AGT: variants seen among roughly 807,000 people sequenced by gnomAD.
AGT encodes the protein angiotensinogen.
AGT carries 26 observed loss-of-function variants against 28.1 expected under a neutral mutation model. The ratio of observed to expected loss-of-function variants is 0.92; its 90% CI spans 0.68 to 1.28. The LOEUF (loss-of-function observed/expected upper bound fraction) is 1.28. Ranked by LOEUF, AGT falls within the 50% of genes most tolerant of loss-of-function variation. The pLI, the probability that AGT is intolerant of heterozygous loss-of-function variation, is 0.00. For synonymous variants in AGT, 259 were observed against 259.6 expected, an observed-to-expected ratio of 1.00 and a Z score of 0.02; for missense variants, 596 against 592.3, an observed-to-expected ratio of 1.01 and a Z score of -0.06.
upstream of AGT, among the ~76,000 whole-genome samples, chr1:230,716,151 G>A (rs960315841): frequency 4.6e-5 from 7 of 152,206 alleles, no homozygotes; most frequent in African/African-American, 1.7e-4. Context: ...CTGACTATCA[G>A]CTGGGGGATC....
At chr1:230,732,761 T>A (rs1363326554) in intron 1 of AGT, among the ~76,000 whole-genome samples, 2 of 152,206 alleles carry the variant, frequency 1.3e-5, no homozygotes, top group African/African-American at 4.8e-5. Context: ...TTCATTCTTA[T>A]CATCTTCAGG....
chr1:230,736,947 G>C (rs1664167135), intron 1 of AGT, among the ~76,000 whole-genome samples: 1 of 152,142 alleles, frequency 6.6e-6, no homozygotes, highest in African/African-American at 2.4e-5. Context: ...CGAAAGCTCT[G>C]TTCTCCTTGG....
At chr1:230,706,229 A>T in intron 2 of AGT, 29 bp from the exon 3 acceptor site, 3 of 1,610,218 alleles carry the variant, frequency 1.9e-6, no homozygotes, top group Non-Finnish European at 2.5e-6. Flanking sequence ...ACAGGGAGGG[A>T]AGAGTCACCC....
At chr1:230,708,629 G>T (rs567561124) in intron 2 of AGT, among the ~76,000 whole-genome samples, 4 of 151,996 alleles carry the variant, frequency 2.6e-5, no homozygotes, top group Non-Finnish European at 5.9e-5. Context: ...TTCACCTCCC[G>T]CCTGGCTCTC....
chr1:230,710,707 C>G lies in AGT; in HGVS notation c.117G>C (p.Glu39Asp). ...CCTTTGCCAGCTGCTCACAGGTACT[C>G]TCATTGTGGATGACGAGGTGGAAGG... ...IHPFHLVIHN[E>D]STCEQLAKAN... The change falls in exon 2 of 5, where the codon GAG (glutamate) becomes GAC (aspartate). Residue 39 changes from glutamate to aspartate, a missense_variant. Coordinates refer to ENST00000366667, the MANE Select transcript of AGT (RefSeq NM_001384479.1). 6.2e-7 allele frequency: 1 copy of G among 1,614,170 alleles called. No individual in the cohort carries two copies. Among genetic ancestry groups the G allele is most frequent in the Non-Finnish European group, 8.5e-7 (1 of 1,180,004 alleles).
intron 1 of AGT, among the ~76,000 whole-genome samples, chr1:230,741,295 A>G (rs1011944652): frequency 4.6e-5 from 7 of 152,204 alleles, no homozygotes; most frequent in African/African-American, 1.7e-4. Context: ...ATATTCCACA[A>G]TCAAGCCAGA....
intron 1 of AGT, among the ~76,000 whole-genome samples, chr1:230,712,408 A>G (rs1571978375): frequency 6.6e-6 from 1 of 151,106 alleles, no homozygotes; most frequent in South Asian, 2.1e-4. Flanking sequence ...ATCTCACCCC[A>G]CTCCCCATGC....
At chr1:230,744,925 GC>G (rs1469895081) in intron 1 of AGT, among the ~76,000 whole-genome samples, 1 of 152,174 alleles carries the variant, frequency 6.6e-6, no homozygotes, top group Non-Finnish European at 1.5e-5. Context: ...TCATTTCCCT[GC>G]CGAGGTGTCA....
At chr1:230,735,296 C>T (rs1664137923) in intron 1 of AGT, among the ~76,000 whole-genome samples, 1 of 152,254 alleles carries the variant, frequency 6.6e-6, no homozygotes, top group Non-Finnish European at 1.5e-5. Flanking sequence ...TCTTCCTTCT[C>T]GCTCCTTCTT....
intron 1 of AGT, among the ~76,000 whole-genome samples, chr1:230,731,918 C>G (rs566808495): frequency 1.6e-4 from 25 of 152,126 alleles, no homozygotes; most frequent in African/African-American, 5.5e-4. Context: ...AAACTCAAAG[C>G]TTCCTAAGGC....
intron 1 of AGT, among the ~76,000 whole-genome samples, chr1:230,729,899 C>T (rs976975278): frequency 1.3e-5 from 2 of 151,980 alleles, no homozygotes; most frequent in Non-Finnish European, 2.9e-5. Context: ...CGGTGGCTCA[C>T]GCCTGTAATC....
rs1422682230 is a variant in AGT, at chr1:230,710,677, A to T, written c.147T>A (p.Asn49Lys). The change falls in exon 2 of 5, where the codon AAT becomes AAA. Residue 49 changes from asparagine to lysine, a missense_variant. Physicochemically the swap from Asn to Lys is moderately conservative, Grantham distance 94. Transcript: ENST00000366667. ...ESTCEQLAKA[N>K]AGKPKDPTFI... The stretch of plus-strand genomic sequence containing the variant: ...AGGTGGGGTCTTTGGGCTTCCCGGC[A>T]TTGGCCTTTGCCAGCTGCTCACAGG... 2 of 1,614,230 alleles carry T rather than the reference A, an allele frequency of 1.2e-6. No homozygotes were observed. Among genetic ancestry groups the T allele is most frequent in the Non-Finnish European group, 1.7e-6 (2 of 1,180,040 alleles).
chr1:230,717,264 A>G (rs1160776460), upstream of AGT, among the ~76,000 whole-genome samples: 1 of 151,820 alleles, frequency 6.6e-6, no homozygotes. Flanking sequence ...TCTTTTCCCT[A>G]CAGGGATGAT....
chr1:230,739,626 G>A (rs189814814), intron 1 of AGT, among the ~76,000 whole-genome samples: 2 of 152,294 alleles, frequency 1.3e-5, no homozygotes, highest in East Asian at 3.9e-4. Context: ...GCCCCCGATA[G>A]GAAAATGAAA....
Position 230,710,532 on chromosome 1 carries a change from C to A in AGT, c.292G>T (p.Gly98Trp). The A allele has an allele frequency of 6.2e-7, 1 of 1,614,240 alleles. No individual in the cohort carries two copies. Among genetic ancestry groups the A allele is most frequent in the Admixed American group, 1.7e-5 (1 of 60,032 alleles). ...AAGCCCAAGAAGTTGGCCAGCATCCCGACCATTGCGGCCCTCAACTTGTCT... is the reference window on the plus strand; with the variant it reads ...AAGCCCAAGAAGTTGGCCAGCATCCAGACCATTGCGGCCCTCAACTTGTCT... ...TEDKLRAAMV[G>W]MLANFLGFRI... The change falls in exon 2 of 5, where the codon GGG becomes TGG. Residue 98 changes from glycine (G) to tryptophan (W), a missense_variant. Transcript: ENST00000366667.
chr1:230,730,915 T>G (rs1033100472), intron 1 of AGT, among the ~76,000 whole-genome samples: 1 of 152,232 alleles, frequency 6.6e-6, no homozygotes, highest in African/African-American at 2.4e-5. Flanking sequence ...GAGCTATGTA[T>G]TCATCCACTG....
chr1:230,733,605 T>C (rs1181310974), intron 1 of AGT, among the ~76,000 whole-genome samples: 1 of 152,184 alleles, frequency 6.6e-6, no homozygotes, highest in Non-Finnish European at 1.5e-5. Flanking sequence ...CATCCTTGCT[T>C]ATTGTGTGAA....
At chr1:230,711,816 T>TAAAAAA (rs58359338) in intron 1 of AGT, among the ~76,000 whole-genome samples, 1 of 136,280 alleles carries the variant, frequency 7.3e-6, no homozygotes. Context: ...GGACCACGTA[T>TAAAAAA]AAAAAAAAAA....
At chr1:230,721,533 A>G (rs1045162656) in intron 1 of AGT, among the ~76,000 whole-genome samples, 1 of 152,258 alleles carries the variant, frequency 6.6e-6, no homozygotes, top group African/African-American at 2.4e-5. Context: ...ACTGGGTAGC[A>G]GGCAGAGGTT....
Sources: allele counts gnomAD v4.1 joint callset (sites outside exome capture counted in the v4.1 genomes callset), GRCh38; gene constraint gnomAD v4.1.1; transcripts MANE v1.5; gene names NCBI Gene and HGNC (gene_info 2026-07-23, HGNC 2026-07-21).